PPM1H: variants seen among roughly 807,000 people sequenced by gnomAD.
PPM1H encodes protein phosphatase 1H.
A neutral mutation model predicts 54.9 loss-of-function variants in PPM1H; 27 were observed. That is an observed-to-expected ratio of 0.49 (90% CI 0.36 to 0.68). The LOEUF (loss-of-function observed/expected upper bound fraction) is 0.68, where lower values mean the gene tolerates loss of function less well. Among genes scored for constraint, PPM1H ranks in the 30% least tolerant of loss-of-function variants. The pLI, the probability that PPM1H is intolerant of heterozygous loss-of-function variation, is 0.00. For missense variants in PPM1H, 596 were observed against 667.8 expected (o/e 0.89, Z 1.19); for synonymous variants, 305 against 270.8 (o/e 1.13, Z -1.24).
chr12:62,832,571 C>T (rs1331478684), intron 1 of PPM1H, among the ~76,000 whole-genome samples: 1 of 152,216 alleles, frequency 6.6e-6, no homozygotes, highest in Non-Finnish European at 1.5e-5. Flanking sequence ...AGTCAAAACA[C>T]ATGAGGCAAT....
At chr12:62,822,484 G>C (rs1457785814) in intron 2 of PPM1H, among the ~76,000 whole-genome samples, 1 of 148,656 alleles carries the variant, frequency 6.7e-6, no homozygotes, top group East Asian at 2.0e-4. Context: ...TATTCCAAAA[G>C]AGTTGGAAGT....
intron 1 of PPM1H, among the ~76,000 whole-genome samples, chr12:62,900,787 T>G (rs1871146028): frequency 6.6e-6 from 1 of 152,138 alleles, no homozygotes; most frequent in Non-Finnish European, 1.5e-5. Context: ...ACAGGGGACA[T>G]AGTACAGATA....
In PPM1H at chr12:62,844,066, C is replaced by G. The variant is rs181913830; in HGVS notation, c.246-11787G>C. ...AAGGAAGCTAGAAAGTACAATAAGACTTTGCCTTTGTCAACCTTAAATAAC... is the reference window on the plus strand; with the variant it reads ...AAGGAAGCTAGAAAGTACAATAAGAGTTTGCCTTTGTCAACCTTAAATAAC... On this transcript the variant is annotated intron_variant, in intron 1 of 9. Transcript: ENST00000228705. This position sits in a 1 kb window ranked among gnomAD's most constrained non-coding sequence, Gnocchi z 5.2. Among the ~76,000 whole-genome samples, 21 of 152,308 alleles carry G rather than the reference C, an allele frequency of 1.4e-4. No individual in the cohort carries two copies. Among genetic ancestry groups the G allele is most frequent in the African/African-American group, 4.8e-4 (20 of 41,574 alleles).
intron 1 of PPM1H, among the ~76,000 whole-genome samples, chr12:62,929,196 C>T (rs571875019): frequency 3.7e-4 from 56 of 152,200 alleles, no homozygotes; most frequent in African/African-American, 1.3e-3. Flanking sequence ...AAAGATTATG[C>T]TATAAAATTT....
intron 4 of PPM1H, among the ~76,000 whole-genome samples, chr12:62,743,521 C>T (rs1195015022): frequency 2.6e-5 from 4 of 152,116 alleles, no homozygotes. Flanking sequence ...AAACACATAT[C>T]TTTATTCCCC....
intron 9 of PPM1H, among the ~76,000 whole-genome samples, chr12:62,658,212 T>TTTTTTCC (rs768288538): frequency 1.5e-5 from 2 of 130,536 alleles, no homozygotes; most frequent in Non-Finnish European, 3.2e-5. Context: ...TTTTTTTTTT[T>TTTTTTCC]AAGTAAAAAA....
intron 9 of PPM1H, among the ~76,000 whole-genome samples, chr12:62,652,994 G>C (rs2075824134): frequency 6.6e-6 from 1 of 152,128 alleles, no homozygotes; most frequent in Non-Finnish European, 1.5e-5. Flanking sequence ...TTGGCTGATA[G>C]CTTTATTGTT....
At chr12:62,663,931 C>T (rs930229060) in intron 9 of PPM1H, among the ~76,000 whole-genome samples, 1 of 150,804 alleles carries the variant, frequency 6.6e-6, no homozygotes, top group African/African-American at 2.4e-5. Flanking sequence ...GCGGAGGTTG[C>T]GGTGAGCTGA....
intron 5 of PPM1H, among the ~76,000 whole-genome samples, chr12:62,735,221 T>C (rs1251526813): frequency 3.3e-5 from 5 of 152,064 alleles, no homozygotes; most frequent in African/African-American, 1.2e-4. Flanking sequence ...TTCTTTTTTT[T>C]AAAGAGACAA....
intron 2 of PPM1H, among the ~76,000 whole-genome samples, chr12:62,819,094 G>A (rs904017177): frequency 2.2e-5 from 3 of 139,244 alleles, no homozygotes; most frequent in African/African-American, 5.4e-5. Context: ...AGTGCTGGGA[G>A]TACAGGCGTG....
intron 9 of PPM1H, among the ~76,000 whole-genome samples, chr12:62,654,217 CAAAAAAAA>C (rs57812590): frequency 1.2e-4 from 8 of 65,444 alleles, no homozygotes; most frequent in South Asian, 7.8e-4. Flanking sequence ...GACTCTTTCT[CAAAAAAAA>C]AAAAAAAAAA....
At chr12:62,815,695 T>C (rs1369132132) in intron 2 of PPM1H, among the ~76,000 whole-genome samples, 1 of 151,724 alleles carries the variant, frequency 6.6e-6, no homozygotes, top group Non-Finnish European at 1.5e-5. Context: ...CACTTCACTC[T>C]AATAAGCCTA....
At chr12:62,771,339 C>T (rs1188108142) in intron 4 of PPM1H, among the ~76,000 whole-genome samples, 3 of 150,122 alleles carry the variant, frequency 2.0e-5, no homozygotes, top group South Asian at 2.1e-4. Flanking sequence ...CACACACACA[C>T]GGGCCTTTGG....
intron 1 of PPM1H, among the ~76,000 whole-genome samples, chr12:62,843,604 A>G (rs1252318357): frequency 6.6e-6 from 1 of 152,244 alleles, no homozygotes; most frequent in Non-Finnish European, 1.5e-5. Flanking sequence ...ACAAGAAGGA[A>G]TTGTGACACT....
At chr12:62,842,242 A>G (rs1868779024) in intron 1 of PPM1H, among the ~76,000 whole-genome samples, 1 of 152,228 alleles carries the variant, frequency 6.6e-6, no homozygotes, top group Admixed American at 6.5e-5. Flanking sequence ...ATTAAGGGAA[A>G]AAAAGCAAAG....
At chr12:62,825,434 G>C (rs563412327) in intron 2 of PPM1H, among the ~76,000 whole-genome samples, 1 of 152,154 alleles carries the variant, frequency 6.6e-6, no homozygotes, top group African/African-American at 2.4e-5. Flanking sequence ...ACATGCACAC[G>C]TATGTTTATT....
At chr12:62,718,055 C>A (rs2076244955) in intron 6 of PPM1H, among the ~76,000 whole-genome samples, 1 of 152,192 alleles carries the variant, frequency 6.6e-6, no homozygotes, top group South Asian at 2.1e-4. Context: ...ATGTGCACAT[C>A]AACTGTCTGC....
chr12:62,726,697 G>C (rs1214975719), intron 5 of PPM1H, among the ~76,000 whole-genome samples: 1 of 152,192 alleles, frequency 6.6e-6, no homozygotes, highest in Non-Finnish European at 1.5e-5. Flanking sequence ...AAACAACTTG[G>C]TGATTTGGAA....
chr12:62,694,166 G>A (rs2076100578), intron 6 of PPM1H, among the ~76,000 whole-genome samples, 167 bp from the exon 7 acceptor site: 1 of 152,156 alleles, frequency 6.6e-6, no homozygotes, highest in Non-Finnish European at 1.5e-5. Flanking sequence ...TTGTGTGTGT[G>A]TGTCTTTTAC....
Sources: gnomAD v4.1 joint callset for allele counts (sites outside exome capture counted in the v4.1 genomes callset) on GRCh38, gnomAD v4.1.1 for gene constraint, Gnocchi (gnomAD v3.1) non-coding constraint, MANE v1.5 for transcripts, NCBI Gene and HGNC (gene_info 2026-07-23, HGNC 2026-07-21) for gene names.